The following USP6 variants were observed in gnomAD, a reference collection of about 807,000 sequenced individuals.
The protein encoded by USP6 is ubiquitin carboxyl-terminal hydrolase 6.
USP6 carries 128 observed loss-of-function variants against 175.7 expected under a neutral mutation model. That is an observed-to-expected ratio of 0.73 (90% confidence interval 0.63 to 0.84). USP6 has a LOEUF of 0.84. Among genes scored for constraint, USP6 ranks in the 40% least tolerant of loss-of-function variants. The pLI, the probability that USP6 is intolerant of heterozygous loss-of-function variation, is 0.00. For missense variants in USP6, 1,498 were observed against 1,760.3 expected (o/e 0.85, Z 2.67); for synonymous variants, 562 against 630.6 (o/e 0.89, Z 1.63).
intron 31 of USP6, among the ~76,000 whole-genome samples, chr17:5,160,678 C>T (rs1259683301): frequency 6.6e-6 from 1 of 152,154 alleles, no homozygotes; most frequent in Non-Finnish European, 1.5e-5. Context: ...AATAGTGCTG[C>T]AATAAACACA....
At chr17:5,172,418 C>G (rs2074245720) in intron 37 of USP6, among the ~76,000 whole-genome samples, 1 of 152,082 alleles carries the variant, frequency 6.6e-6, no homozygotes, top group Non-Finnish European at 1.5e-5. Context: ...GTAGTCCCAG[C>G]TGCTCGGGAG....
At chr17:5,158,289 G>T (rs533385426) in intron 31 of USP6, among the ~76,000 whole-genome samples, 1 of 152,214 alleles carries the variant, frequency 6.6e-6, no homozygotes, top group African/African-American at 2.4e-5. Context: ...GATCGAGGCT[G>T]GGTGCAGTGG....
At chr17:5,124,171 C>T (rs2072815064) in intron 4 of USP6, among the ~76,000 whole-genome samples, 1 of 152,182 alleles carries the variant, frequency 6.6e-6, no homozygotes, top group Admixed American at 6.5e-5. Context: ...CACATAAACA[C>T]AGCACTCTGT....
chr17:5,155,635 T>C, intron 31 of USP6, 29 bp downstream of exon 31: 1 of 1,586,468 alleles, frequency 6.3e-7, no homozygotes, highest in African/African-American at 1.4e-5. Context: ...TCTAAACCTG[T>C]GGTTTCCAAA....
At chr17:5,152,818 G>A (rs1404778069) in intron 30 of USP6, among the ~76,000 whole-genome samples, 1 of 152,042 alleles carries the variant, frequency 6.6e-6, no homozygotes, top group Non-Finnish European at 1.5e-5. Flanking sequence ...GCAACATGGT[G>A]AAACCCCATC....
At chr17:5,118,530 A>C (rs1217971432) in intron 2 of USP6, among the ~76,000 whole-genome samples, 1 of 152,178 alleles carries the variant, frequency 6.6e-6, no homozygotes, top group Non-Finnish European at 1.5e-5. Flanking sequence ...CTGTTTGAGG[A>C]TGGGTATGTG....
chr17:5,152,067 C>G (rs1157342666), intron 30 of USP6, among the ~76,000 whole-genome samples: 1 of 152,054 alleles, frequency 6.6e-6, no homozygotes, highest in Non-Finnish European at 1.5e-5. Flanking sequence ...TATGGTGAAA[C>G]TCCGTCTCTA....
intron 26 of USP6, 147 bp from the exon 27 acceptor site, chr17:5,145,258 C>G: frequency 9.2e-7 from 1 of 1,086,684 alleles, no homozygotes; most frequent in Non-Finnish European, 1.2e-6. Context: ...GATTTTCCAT[C>G]TCAATTTAAT....
chr17:5,134,006 C>T lies in USP6; in HGVS notation c.494+10C>T, dbSNP rs185831623. 3,554 of 1,612,516 alleles carry T rather than the reference C, an allele frequency of 2.2e-3. 4 individuals are homozygous for T. The highest frequency in any genetic ancestry group is 2.7e-3 in the Non-Finnish European group (3,145 of 1,178,642). ...ATCGATATGGAGCCAAGTAAGCCTACGGGAGCCACACAGTCCCAGCAGAGA... is the reference window on the plus strand; with the variant it reads ...ATCGATATGGAGCCAAGTAAGCCTATGGGAGCCACACAGTCCCAGCAGAGA... On this transcript the variant is annotated intron_variant, in intron 15 of 37. Coordinates refer to ENST00000574788, the MANE Select transcript of USP6 (RefSeq NM_001304284.2).
At chr17:5,135,668 A>G in intron 16 of USP6, 140 bp from the exon 17 acceptor site, 13 of 1,575,062 alleles carry the variant, frequency 8.3e-6, no homozygotes, top group South Asian at 2.3e-5. Flanking sequence ...TTGTCATGAA[A>G]TGAATTTGCA....
Position 5,170,807 on chromosome 17 carries a change from C to T in USP6, c.3846C>T (p.Gly1282=), listed in dbSNP as rs1319295998. ...ATGAAGCATGTGGCAATGGCTGTGG[C>T]GATGGCTACAGCAATGGTCAGCTTG... ...YEHEACGNGC[G]DGYSNGQLGN... is the part of the protein sequence containing the mutation. Residue 1282 remains glycine (G), a synonymous_variant, in exon 36 of 38, where the codon GGC becomes GGT. Coordinates refer to ENST00000574788, the MANE Select transcript of USP6 (RefSeq NM_001304284.2). 30 of 1,613,630 alleles carry T rather than the reference C, an allele frequency of 1.9e-5. No individual in the cohort carries two copies. In the East Asian group the frequency reaches 2.0e-4, roughly 11 times the overall value.
rs760233242 is a variant in USP6 at position 5,170,912 on chromosome 17, T to C, written c.3951T>C (p.Ile1317=). 8 of 1,610,044 alleles carry C rather than the reference T, an allele frequency of 5.0e-6. No individual in the cohort carries two copies. The South Asian group carries it at 8.8e-5, about 18-fold the overall frequency. The change falls in exon 36 of 38, where the codon ATT becomes ATC. Residue 1317 remains isoleucine, a synonymous_variant. Coordinates refer to ENST00000574788, the MANE Select transcript of USP6 (RefSeq NM_001304284.2). Reference sequence around the variant, plus strand: ...AGCCTATTTATAATCTATATGCAATTTCAGTAAGTGGTTTATTATACGGTT... The same window carrying C: ...AGCCTATTTATAATCTATATGCAATCTCAGTAAGTGGTTTATTATACGGTT... ...HIKPIYNLYA[I]SCHSGILSGG...
Position 5,172,796 on chromosome 17 carries a change from C to A in USP6, c.4048-9C>A, listed in dbSNP as rs2144204669. On this transcript the variant is annotated splice_polypyrimidine_tract_variant and intron_variant, in intron 37 of 37. Coordinates refer to ENST00000574788, the MANE Select transcript of USP6 (RefSeq NM_001304284.2). The stretch of plus-strand genomic sequence containing the variant: ...GGCTTTTTGTTAAAGGTTTTTCTTG[C>A]CCTTTCAGGAACTTCACCCTGATGA... The A allele has an allele frequency of 2.5e-6, 4 of 1,612,598 alleles. No homozygotes were observed. In the Middle Eastern group the frequency reaches 5.8e-4, roughly 234 times the overall value.
chr17:5,162,344 G>A (rs1386275904), intron 32 of USP6, among the ~76,000 whole-genome samples: 4 of 152,034 alleles, frequency 2.6e-5, no homozygotes, highest in Non-Finnish European at 4.4e-5. Flanking sequence ...TAGGAATGGG[G>A]TTTTGCCATG....
At chr17:5,162,199 TG>T (rs2074017349) in intron 32 of USP6, among the ~76,000 whole-genome samples, 2 of 152,176 alleles carry the variant, frequency 1.3e-5, no homozygotes, top group South Asian at 4.2e-4. Context: ...TCACCCAGGC[TG>T]GGGTGCAGTG....
chr17:5,136,665 A>G lies in USP6; in HGVS notation c.690A>G (p.Thr230=). Residue 230 remains threonine (T), a synonymous_variant, in exon 18 of 38, where the codon ACA becomes ACG. Transcript: ENST00000574788. The part of the protein sequence containing the change: ...LPGFHSPNGG[T]VQGLQDQQEH... ...GATTCCACAGCCCAAATGGTGGGAC[A>G]GTCCAGGGGCTCCAAGACCAACAGG... The G allele has an allele frequency of 6.2e-7, 1 of 1,612,014 alleles. No homozygotes were observed. Among genetic ancestry groups the G allele is most frequent in the South Asian group, 1.1e-5 (1 of 91,000 alleles).
At chr17:5,135,117 A>G in intron 15 of USP6, 117 bp from the exon 16 acceptor site, 1 of 1,182,228 alleles carries the variant, frequency 8.5e-7, no homozygotes, top group Non-Finnish European at 1.3e-6. Context: ...TGAAGAGCTC[A>G]CTGCTTATCT....
chr17:5,120,304 G>A (rs1239265238), intron 2 of USP6, among the ~76,000 whole-genome samples: 2 of 152,166 alleles, frequency 1.3e-5, no homozygotes, highest in African/African-American at 4.8e-5. Flanking sequence ...CAAGGTCAGG[G>A]CAGTGAGTGA....
In USP6 at chr17:5,124,829, A is replaced by G. The variant is rs1841201309; in HGVS notation, c.-1035A>G. 6.6e-6 allele frequency: 1 copy of G among 152,262 alleles called. No homozygotes were observed. The highest frequency in any genetic ancestry group is 2.4e-5 in the African/African-American group (1 of 41,472). 9.4% of individuals were successfully genotyped at this position (152,262 alleles called of 1,614,324 possible). A position where few individuals can be genotyped will look rare whatever the true frequency, so the allele number is the denominator to read the frequency against. On this transcript the variant is annotated 5_prime_UTR_variant, in exon 5 of 38. Coordinates refer to ENST00000574788, the MANE Select transcript of USP6 (RefSeq NM_001304284.2). ...TGCTCCACGGAGCTCCAGGCTTACT[A>G]TCTACAGCCCCCAAAGTGTGCTGCG...
Sources: gnomAD v4.1 joint callset for allele counts (sites outside exome capture counted in the v4.1 genomes callset) on GRCh38, gnomAD v4.1.1 for gene constraint, MANE v1.5 for transcripts, NCBI Gene and HGNC (gene_info 2026-07-23, HGNC 2026-07-21) for gene names.